The following CADM2 variants were observed in gnomAD, a reference collection of about 807,000 sequenced individuals.
CADM2 encodes the protein cell adhesion molecule 2.
Under a neutral mutation model 49.8 loss-of-function variants are expected in CADM2, and 12 were observed. That is an observed-to-expected ratio of 0.24 (90% CI 0.15 to 0.39). CADM2 has a LOEUF of 0.39. Among genes scored for constraint, CADM2 ranks in the 10% least tolerant of loss-of-function variants. CADM2 has a pLI of 1.00. For synonymous variants in CADM2, 214 were observed against 175.4 expected, an observed-to-expected ratio of 1.22 and a Z score of -1.74; for missense variants, 378 against 492.3, an observed-to-expected ratio of 0.77 and a Z score of 2.20.
At chr3:85,020,666 C>A (rs545766392) in intron 1 of CADM2, among the ~76,000 whole-genome samples, 1 of 151,660 alleles carries the variant, frequency 6.6e-6, no homozygotes, top group African/African-American at 2.4e-5. Context: ...ATGAGAATAC[C>A]GCTGTATAAC....
Position 85,655,160 on chromosome 3 carries a change from A to ATT in CADM2, c.62-71349_62-71348dup, listed in dbSNP as rs11401179. Among the ~76,000 whole-genome samples the ATT allele has an allele frequency of 2.8e-3, 413 of 147,104 alleles. 4 individuals are homozygous for ATT. In the East Asian group the frequency reaches 0.041, roughly 15 times the overall value. ...TGAGAAACAGGAATCCACCTTGGTA[A>ATT]TTTTTTTTTTTTTTGACACAGTCTC... On this transcript the variant is annotated intron_variant, in intron 1 of 9. Coordinates refer to ENST00000383699, the MANE Select transcript of CADM2 (RefSeq NM_001167675.2).
At chr3:85,685,761 C>T (rs2066191493) in intron 1 of CADM2, among the ~76,000 whole-genome samples, 1 of 151,624 alleles carries the variant, frequency 6.6e-6, no homozygotes, top group South Asian at 2.1e-4. Context: ...GTCTCTGGGA[C>T]TACAGGGCAC....
intron 1 of CADM2, among the ~76,000 whole-genome samples, chr3:85,639,218 C>T (rs1481324435): frequency 6.6e-6 from 1 of 152,106 alleles, no homozygotes; most frequent in African/African-American, 2.4e-5. Flanking sequence ...TTTAGTTTTT[C>T]ATCTTTACTT....
chr3:85,280,187 T>A (rs1469101539), intron 1 of CADM2, among the ~76,000 whole-genome samples: 1 of 151,738 alleles, frequency 6.6e-6, no homozygotes, highest in East Asian at 1.9e-4. Flanking sequence ...CCCCTTCACA[T>A]GTACTTTGTT....
chr3:85,004,743 T>C (rs1370013168), intron 1 of CADM2, among the ~76,000 whole-genome samples: 2 of 152,182 alleles, frequency 1.3e-5, no homozygotes, highest in East Asian at 3.9e-4. Flanking sequence ...ATTTGATCTA[T>C]CTCATGAATA....
intron 1 of CADM2, among the ~76,000 whole-genome samples, chr3:85,526,406 A>G (rs1015052405): frequency 6.6e-6 from 1 of 152,176 alleles, no homozygotes; most frequent in African/African-American, 2.4e-5. Context: ...ACACACAGTT[A>G]TGTAGCTTCT....
At chr3:85,833,063 G>A (rs1448823450) in intron 3 of CADM2, among the ~76,000 whole-genome samples, 2 of 151,580 alleles carry the variant, frequency 1.3e-5, no homozygotes, top group African/African-American at 2.4e-5. Context: ...TTTATCAAAA[G>A]CATTTCTGCA....
At chr3:85,483,532 G>C (rs973515196) in intron 1 of CADM2, among the ~76,000 whole-genome samples, 1 of 150,652 alleles carries the variant, frequency 6.6e-6, no homozygotes, top group African/African-American at 2.4e-5. Flanking sequence ...ATTTTTTGGT[G>C]CTTCAGGTAC....
chr3:85,925,109 C>T (rs1276965034), intron 6 of CADM2, among the ~76,000 whole-genome samples: 3 of 151,788 alleles, frequency 2.0e-5, no homozygotes, highest in African/African-American at 4.8e-5. Context: ...TTAAATGTCA[C>T]TTTTCTAAGT....
At chr3:85,409,737 C>T (rs2035570844) in intron 1 of CADM2, among the ~76,000 whole-genome samples, 1 of 151,990 alleles carries the variant, frequency 6.6e-6, no homozygotes, top group African/African-American at 2.4e-5. Context: ...AATGAAGGCA[C>T]TAAAATTGAA....
intron 1 of CADM2, among the ~76,000 whole-genome samples, chr3:85,382,331 G>A (rs1203351354): frequency 6.6e-6 from 1 of 152,112 alleles, no homozygotes; most frequent in Non-Finnish European, 1.5e-5. Context: ...GTAGAGAGAA[G>A]TCTGGGAGTT....
At chr3:85,854,383 T>C (rs866517322) in intron 3 of CADM2, among the ~76,000 whole-genome samples, 49 of 152,278 alleles carry the variant, frequency 3.2e-4, no homozygotes, top group South Asian at 3.1e-3. Context: ...CCAACCCAAA[T>C]GCCCATCAAT....
intron 3 of CADM2, among the ~76,000 whole-genome samples, chr3:85,856,920 C>T (rs567979212): frequency 6.6e-6 from 1 of 152,200 alleles, no homozygotes; most frequent in Admixed American, 6.5e-5. Context: ...CCATGCAAAA[C>T]ATTTTCTGAA....
intron 1 of CADM2, among the ~76,000 whole-genome samples, chr3:85,195,252 T>G (rs2041313398): frequency 1.3e-5 from 2 of 152,106 alleles, no homozygotes; most frequent in Admixed American, 1.3e-4. Flanking sequence ...ATAAGTTATT[T>G]AATTTCTGTA....
intron 1 of CADM2, among the ~76,000 whole-genome samples, chr3:85,085,460 T>A (rs1215048583): frequency 6.6e-6 from 1 of 152,152 alleles, no homozygotes; most frequent in Non-Finnish European, 1.5e-5. Flanking sequence ...TAAATATGTA[T>A]GTATGTGTGT....
chr3:85,684,933 C>A (rs1199242266), intron 1 of CADM2, among the ~76,000 whole-genome samples: 1 of 152,140 alleles, frequency 6.6e-6, no homozygotes, highest in African/African-American at 2.4e-5. Context: ...CTAAAGTCCC[C>A]AGACAGCCAC....
At chr3:85,066,891 C>G (rs1407907020) in intron 1 of CADM2, among the ~76,000 whole-genome samples, 1 of 152,136 alleles carries the variant, frequency 6.6e-6, no homozygotes. Context: ...TTACGACATT[C>G]CACACTTCTC....
chr3:85,114,959 A>G (rs1413048342), intron 1 of CADM2, among the ~76,000 whole-genome samples: 1 of 152,186 alleles, frequency 6.6e-6, no homozygotes, highest in African/African-American at 2.4e-5. Context: ...CCTAAAGCAA[A>G]CCACACTGAA....
intron 1 of CADM2, among the ~76,000 whole-genome samples, chr3:85,419,986 T>C (rs570157335): frequency 5.9e-5 from 9 of 152,276 alleles, no homozygotes; most frequent in African/African-American, 2.2e-4. Context: ...GTTTTTCGCC[T>C]CAGGAACACA....
Sources: allele counts gnomAD v4.1 joint callset (sites outside exome capture counted in the v4.1 genomes callset), GRCh38; gene constraint gnomAD v4.1.1; transcripts MANE v1.5; gene names NCBI Gene and HGNC (gene_info 2026-07-23, HGNC 2026-07-21).